Variants in PLPPR5 observed in about 807,000 individuals in gnomAD.
The protein encoded by PLPPR5 is phospholipid phosphatase-related protein type 5.
PLPPR5 carries 16 observed loss-of-function variants against 33.9 expected under a neutral mutation model. The observed-to-expected ratio is 0.47, with a 90% confidence interval of 0.32 to 0.72. PLPPR5 has a LOEUF of 0.72. Among genes scored for constraint, PLPPR5 ranks in the 30% least tolerant of loss-of-function variants. PLPPR5 has a pLI of 0.03. For missense variants in PLPPR5, 301 were observed against 406.7 expected, an observed-to-expected ratio of 0.74 and a Z score of 2.23; for synonymous variants, 163 against 150.3, an observed-to-expected ratio of 1.08 and a Z score of -0.62.
At chr1:98,912,839 TTGACACATACTGA>T (rs1439642228) in intron 5 of PLPPR5, among the ~76,000 whole-genome samples, 1 of 152,180 alleles carries the variant, frequency 6.6e-6, no homozygotes, top group Non-Finnish European at 1.5e-5. Flanking sequence ...AGCACAGGAC[TTGACACATACTGA>T]TGATCATTAA....
chr1:98,959,138 A>G (rs978793825), intron 1 of PLPPR5, among the ~76,000 whole-genome samples: 6 of 152,220 alleles, frequency 3.9e-5, no homozygotes, highest in African/African-American at 1.2e-4. Context: ...GCTTGTTCCT[A>G]TGATGAAGGA....
intron 1 of PLPPR5, among the ~76,000 whole-genome samples, chr1:98,987,641 C>T (rs1652304764): frequency 6.9e-6 from 1 of 145,226 alleles, no homozygotes; most frequent in African/African-American, 2.4e-5. Flanking sequence ...GGAAAAGACT[C>T]TGACAAATAC....
intron 3 of PLPPR5, among the ~76,000 whole-genome samples, chr1:98,940,400 G>A (rs910798220): frequency 1.3e-5 from 2 of 151,964 alleles, no homozygotes; most frequent in African/African-American, 4.8e-5. Flanking sequence ...GTTCCCAAAG[G>A]CTTCATCTCC....
At chr1:98,895,627 G>A (rs1003436353) in intron 5 of PLPPR5, among the ~76,000 whole-genome samples, 6 of 151,934 alleles carry the variant, frequency 3.9e-5, no homozygotes, top group African/African-American at 1.5e-4. Flanking sequence ...AAACTACAAG[G>A]ACAACAGTTG....
chr1:98,894,846 C>A (rs554915366), intron 5 of PLPPR5, among the ~76,000 whole-genome samples: 2 of 152,086 alleles, frequency 1.3e-5, no homozygotes, highest in African/African-American at 4.8e-5. Context: ...GAGAAATAAC[C>A]AGAAGCAAAC....
chr1:98,985,164 C>T (rs1327995952), intron 1 of PLPPR5, among the ~76,000 whole-genome samples: 1 of 151,980 alleles, frequency 6.6e-6, no homozygotes, highest in Non-Finnish European at 1.5e-5. Context: ...TTGGTGAAGT[C>T]TCCTCTCCTT....
At chr1:98,942,532 C>G (rs538563901) in intron 3 of PLPPR5, among the ~76,000 whole-genome samples, 2 of 152,316 alleles carry the variant, frequency 1.3e-5, no homozygotes, top group East Asian at 3.9e-4. Context: ...TCTCTAATCT[C>G]TATTTCAAGA....
chr1:98,891,118 T>A lies in PLPPR5; in HGVS notation c.*1954A>T, dbSNP rs1648257111. 6.6e-6 allele frequency: 1 copy of A among 152,108 alleles called. No homozygotes were observed. The highest frequency in any genetic ancestry group is 2.1e-4 in the South Asian group (1 of 4,830). The allele number at this position is 152,108 out of a possible 1,614,324, so 9.4% of individuals were successfully genotyped here. ...TGAATTCCCTATTACTGTTATTGCC[T>A]AAAAAATCTTTAAAAAGGGTCAAGA... On this transcript the variant is annotated 3_prime_UTR_variant, in exon 6 of 6. Transcript: ENST00000263177.
chr1:98,920,478 T>G (rs1430435729), intron 4 of PLPPR5, among the ~76,000 whole-genome samples: 2 of 149,556 alleles, frequency 1.3e-5, no homozygotes, highest in African/African-American at 4.9e-5. Context: ...AAAAAAAAGT[T>G]TTTGGTTCAA....
chr1:98,950,970 C>T (rs956156212), intron 3 of PLPPR5, among the ~76,000 whole-genome samples: 5 of 152,016 alleles, frequency 3.3e-5, no homozygotes, highest in Non-Finnish European at 7.4e-5. Context: ...TCCCAAGGTT[C>T]TAGTATTACA....
At chr1:98,907,203 C>CTTTT (rs5776440) in intron 5 of PLPPR5, among the ~76,000 whole-genome samples, 1,939 of 132,092 alleles carry the variant, frequency 0.015, 65 homozygotes, top group African/African-American at 0.053. Flanking sequence ...TATTGTAATC[C>CTTTT]TTTTTTTTTT....
intron 1 of PLPPR5, among the ~76,000 whole-genome samples, chr1:98,972,102 C>A (rs1301324745): frequency 2.0e-5 from 3 of 152,046 alleles, no homozygotes; most frequent in Non-Finnish European, 4.4e-5. Context: ...AGAAAGAATT[C>A]ATAAAGGGTG....
At chr1:98,935,443 C>T (rs1287552053) in intron 3 of PLPPR5, among the ~76,000 whole-genome samples, 4 of 152,208 alleles carry the variant, frequency 2.6e-5, no homozygotes, top group South Asian at 2.1e-4. Flanking sequence ...GACTGTTCAC[C>T]TTTACTATTT....
At chr1:98,939,706 T>TG (rs1370437070) in intron 3 of PLPPR5, among the ~76,000 whole-genome samples, 3 of 151,784 alleles carry the variant, frequency 2.0e-5, no homozygotes, top group Non-Finnish European at 4.4e-5. Context: ...GGTGGAGGCA[T>TG]GGAGAAGTGG....
chr1:98,931,418 C>T (rs1209308029), intron 3 of PLPPR5, among the ~76,000 whole-genome samples: 1 of 152,092 alleles, frequency 6.6e-6, no homozygotes, highest in Non-Finnish European at 1.5e-5. Flanking sequence ...GTAACTGAGA[C>T]ACAGAAAGGT....
At chr1:98,962,547 A>C (rs1401165653) in intron 1 of PLPPR5, among the ~76,000 whole-genome samples, 5 of 152,222 alleles carry the variant, frequency 3.3e-5, no homozygotes, top group Non-Finnish European at 5.9e-5. Context: ...CCTGCATTAA[A>C]GCATACTCAG....
intron 3 of PLPPR5, among the ~76,000 whole-genome samples, chr1:98,928,171 G>A (rs1307553648): frequency 6.6e-6 from 1 of 151,862 alleles, no homozygotes; most frequent in Non-Finnish European, 1.5e-5. Flanking sequence ...GCCAACTATA[G>A]TACTAAATTT....
intron 3 of PLPPR5, among the ~76,000 whole-genome samples, chr1:98,941,367 G>A (rs1455116710): frequency 6.6e-6 from 1 of 151,802 alleles, no homozygotes; most frequent in Non-Finnish European, 1.5e-5. Context: ...GGGGGATGAG[G>A]TCTGAGGAGT....
At chr1:98,919,510 TA>T (rs1356106082) in intron 4 of PLPPR5, among the ~76,000 whole-genome samples, 3 of 152,216 alleles carry the variant, frequency 2.0e-5, no homozygotes. Context: ...CTGCTCAGAA[TA>T]AATGTGTTGA....
Sources: allele counts gnomAD v4.1 joint callset (sites outside exome capture counted in the v4.1 genomes callset), GRCh38; gene constraint gnomAD v4.1.1; transcripts MANE v1.5; gene names NCBI Gene and HGNC (gene_info 2026-07-23, HGNC 2026-07-21).